NPTN: variants seen among roughly 807,000 people sequenced by gnomAD.
NPTN encodes the protein SDR-1.
Under a neutral mutation model 42.7 loss-of-function variants are expected in NPTN, and 5 were observed. The observed-to-expected ratio is 0.12, with a 90% CI of 0.06 to 0.25. The LOEUF is 0.25. Among genes scored for constraint, NPTN ranks in the 10% least tolerant of loss-of-function variants. The pLI is 1.00. For missense variants in NPTN, 307 were observed against 525.4 expected (o/e 0.58, Z 4.06); for synonymous variants, 180 against 201.9 (o/e 0.89, Z 0.92).
Position 73,568,429 on chromosome 15 carries a change from G to C in NPTN, c.1114+1721C>G. On this transcript the variant is annotated intron_variant, in intron 6 of 8. Coordinates refer to ENST00000345330, the MANE Select transcript of NPTN (RefSeq NM_012428.4). ...GGTATTGGCAAAGCAAAAGCATTCTGGGGGGATAAAAAGGCCCTTTTCAGG... is the reference window on the plus strand; with the variant it reads ...GGTATTGGCAAAGCAAAAGCATTCTCGGGGGATAAAAAGGCCCTTTTCAGG... 3.0e-6 allele frequency: 3 copies of C among 985,390 alleles called. No individual in the cohort carries two copies. In the South Asian group the frequency reaches 1.4e-4, roughly 46 times the overall value. The allele number at this position is 985,390 out of a possible 1,614,324, so 61.0% of individuals were successfully genotyped here. A position where few individuals can be genotyped will look rare whatever the true frequency, so the allele number is the denominator to read the frequency against.
Position 73,628,526 on chromosome 15 carries a change from C to T in NPTN, c.91+4599G>A, listed in dbSNP as rs369462668. Among the ~76,000 whole-genome samples, 17 of 152,308 alleles carry T rather than the reference C, an allele frequency of 1.1e-4. No individual in the cohort carries two copies. The East Asian group carries it at 2.7e-3, about 24-fold the overall frequency. ...TCTTGTATGGTATCCAACATGGTCA[C>T]TCACTGTTTCTCTACATACTTCATT... is the stretch of plus-strand genomic sequence containing the variant. On this transcript the variant is annotated intron_variant, in intron 1 of 8. Coordinates refer to ENST00000345330, the MANE Select transcript of NPTN (RefSeq NM_012428.4).
At position 73,569,480 on chromosome 15, in the gene NPTN, C is replaced by T. The variant is rs184848468; in HGVS notation, c.1114+670G>A. 3.0e-6 allele frequency: 3 copies of T among 985,422 alleles called. No homozygotes were observed. The highest frequency in any genetic ancestry group is 1.1e-4 in the East Asian group (1 of 8,816). 61.0% of individuals were successfully genotyped at this position (985,422 alleles called of 1,614,324 possible). On this transcript the variant is annotated intron_variant, in intron 6 of 8. Coordinates refer to ENST00000345330, the MANE Select transcript of NPTN (RefSeq NM_012428.4). This position sits in a 1 kb window ranked among gnomAD's most constrained non-coding sequence, Gnocchi z 4.1. ...CTCGGGGCATGGACTCCATTTGTTC[C>T]GCCTTTGCTATCTCTGTCTTACACT...
intron 6 of NPTN, chr15:73,565,619 C>A: frequency 1.1e-5 from 4 of 372,246 alleles, no homozygotes; most frequent in East Asian, 7.9e-5. Flanking sequence ...ATCAACATAC[C>A]CCAAACCCTC....
At chr15:73,565,486 G>A (rs575087482) in intron 6 of NPTN, among the ~76,000 whole-genome samples, 8 of 152,294 alleles carry the variant, frequency 5.3e-5, no homozygotes, top group Admixed American at 2.0e-4. Context: ...ACTGTGCATC[G>A]TATAGACTGA....
chr15:73,627,061 T>C (rs1227624106), intron 1 of NPTN, among the ~76,000 whole-genome samples: 1 of 152,066 alleles, frequency 6.6e-6, no homozygotes, highest in Non-Finnish European at 1.5e-5. Flanking sequence ...ATGGCGAAAC[T>C]CCATTTCTAC....
At chr15:73,605,726 C>CA (rs77251246) in intron 1 of NPTN, among the ~76,000 whole-genome samples, 597 of 112,782 alleles carry the variant, frequency 5.3e-3, no homozygotes, top group African/African-American at 0.017. Flanking sequence ...AAACTCACCT[C>CA]AAAAAAAAAA....
chr15:73,561,907 T>A lies in NPTN; in HGVS notation c.*3A>T, dbSNP rs764516729. On this transcript the variant is annotated 3_prime_UTR_variant, in exon 8 of 9. Transcript: ENST00000345330. ...AAGGCCATACTTACATTGTAAGCAG[T>A]ACTTAATTTGTGTTTCTCTGGCGCA... 3 of 1,600,548 alleles carry A rather than the reference T, an allele frequency of 1.9e-6. No homozygotes were observed. The East Asian group carries it at 6.7e-5, about 36-fold the overall frequency.
At chr15:73,573,944 C>G in intron 4 of NPTN, 149 bp from the exon 5 acceptor site, 1 of 1,055,350 alleles carries the variant, frequency 9.5e-7, no homozygotes, top group Admixed American at 3.3e-5. Context: ...CATTTCAGGT[C>G]AGAATAGGGT....
intron 1 of NPTN, among the ~76,000 whole-genome samples, chr15:73,602,410 C>G (rs1203192045): frequency 6.6e-6 from 1 of 152,170 alleles, no homozygotes; most frequent in African/African-American, 2.4e-5. Context: ...TCCTCTGTCT[C>G]TCTCACACAC....
chr15:73,573,484 G>C (rs1895521302), intron 5 of NPTN, among the ~76,000 whole-genome samples, 178 bp downstream of exon 5: 1 of 152,160 alleles, frequency 6.6e-6, no homozygotes, highest in Non-Finnish European at 1.5e-5. Flanking sequence ...AGGGATTTTT[G>C]TGCTGGAAGA....
Position 73,561,795 on chromosome 15 carries a change from ATATCT to A in NPTN, c.*14+96_*14+100del, listed in dbSNP as rs145276366. 1,644 of 903,168 alleles carry A rather than the reference ATATCT, an allele frequency of 1.8e-3. 9 individuals are homozygous for A. Among genetic ancestry groups the A allele is most frequent in the South Asian group, 0.015 (1,008 of 68,306 alleles). The allele number at this position is 903,168 out of a possible 1,614,324, so 55.9% of individuals were successfully genotyped here. ...ATCAGCTGCTCTGAAATGAACTAAA[ATATCT>A]TATAACACCAATTACTGAAGAATTT... On this transcript the variant is annotated intron_variant, in intron 8 of 8. Transcript: ENST00000345330.
intron 2 of NPTN, 62 bp from the exon 3 acceptor site, chr15:73,592,199 G>C: frequency 1.4e-6 from 2 of 1,463,694 alleles, no homozygotes; most frequent in Non-Finnish European, 1.9e-6. Flanking sequence ...GCCCTGGCCT[G>C]AGAGTTGGAC....
intron 4 of NPTN, among the ~76,000 whole-genome samples, chr15:73,578,992 CAAAAAAAAAA>C (rs532918109): frequency 2.7e-4 from 15 of 54,720 alleles, no homozygotes; most frequent in Non-Finnish European, 4.5e-4. Flanking sequence ...GATTCTGTCT[CAAAAAAAAAA>C]AAAAAAAAAA....
chr15:73,572,343 C>T (rs759721524), intron 5 of NPTN, among the ~76,000 whole-genome samples: 1 of 152,194 alleles, frequency 6.6e-6, no homozygotes, highest in Non-Finnish European at 1.5e-5. Context: ...ACGCTTGACA[C>T]GCTCTCTGAC....
intron 1 of NPTN, among the ~76,000 whole-genome samples, chr15:73,612,649 A>G (rs971063207): frequency 2.6e-5 from 4 of 152,146 alleles, no homozygotes; most frequent in African/African-American, 7.2e-5. Flanking sequence ...CAGTGCCTGT[A>G]GTCTCAGCTA....
chr15:73,594,232 ACT>A (rs1291711148), intron 2 of NPTN, among the ~76,000 whole-genome samples: 2 of 152,136 alleles, frequency 1.3e-5, no homozygotes, highest in Non-Finnish European at 2.9e-5. Flanking sequence ...GAAAGGGTAA[ACT>A]CTGAGAATGA....
At chr15:73,591,450 A>C (rs973308370) in intron 3 of NPTN, among the ~76,000 whole-genome samples, 2 of 152,166 alleles carry the variant, frequency 1.3e-5, no homozygotes, top group Non-Finnish European at 2.9e-5. Flanking sequence ...CCAGGCTACC[A>C]TCCTCAATCC....
At chr15:73,582,786 C>T (rs544578314) in intron 4 of NPTN, among the ~76,000 whole-genome samples, 1 of 152,224 alleles carries the variant, frequency 6.6e-6, no homozygotes, top group Admixed American at 6.5e-5. Flanking sequence ...GAGAAACTGA[C>T]AAATTGAAAT....
At chr15:73,631,842 C>T (rs117715197) in intron 1 of NPTN, among the ~76,000 whole-genome samples, 324 of 152,262 alleles carry the variant, frequency 2.1e-3, no homozygotes, top group Middle Eastern at 6.8e-3. Flanking sequence ...CAGCTGAATG[C>T]TAACACATGT....
Sources: allele counts gnomAD v4.1 joint callset (sites outside exome capture counted in the v4.1 genomes callset), GRCh38; gene constraint gnomAD v4.1.1; non-coding constraint Gnocchi (gnomAD v3.1); transcripts MANE v1.5; gene names NCBI Gene and HGNC (gene_info 2026-07-23, HGNC 2026-07-21).